Variants in LIG3 observed in about 807,000 individuals in gnomAD.
The protein encoded by LIG3 is ligase II, DNA, ATP-dependent.
In LIG3, 58 loss-of-function variants were observed where a neutral mutation model predicts 110.9. That is an observed-to-expected ratio of 0.52 (90% CI 0.42 to 0.65). The LOEUF (loss-of-function observed/expected upper bound fraction) is 0.65. LIG3 is among the 30% of genes least tolerant of loss of function. The probability of loss-of-function intolerance (pLI) is 0.00; values close to 1 mark genes in which losing one functional copy is unlikely to be tolerated. For missense variants in LIG3, 1,094 were observed against 1,273.8 expected (o/e 0.86, Z 2.15); for synonymous variants, 422 against 472.8 (o/e 0.89, Z 1.39).
At chr17:34,995,793 T>C (rs578014876) in intron 9 of LIG3, among the ~76,000 whole-genome samples, 5 of 152,300 alleles carry the variant, frequency 3.3e-5, no homozygotes, top group Admixed American at 6.5e-5. Context: ...TTTCTTCCAT[T>C]TTCCTCAAAA....
At chr17:35,000,631 T>C (rs1305974206) in intron 16 of LIG3, among the ~76,000 whole-genome samples, 3 of 145,238 alleles carry the variant, frequency 2.1e-5, no homozygotes, top group Non-Finnish European at 4.5e-5. Context: ...TTTTTTTTTT[T>C]TTGAGACAGG....
At chr17:34,987,326 T>C (rs3135969) in intron 3 of LIG3, among the ~76,000 whole-genome samples, 4 of 152,216 alleles carry the variant, frequency 2.6e-5, no homozygotes, top group African/African-American at 9.6e-5. Flanking sequence ...CCCTAGACAG[T>C]ACTTTTATTT....
chr17:34,993,633 C>T (rs1263856322), intron 8 of LIG3, among the ~76,000 whole-genome samples: 2 of 152,194 alleles, frequency 1.3e-5, no homozygotes, highest in Admixed American at 1.3e-4. Context: ...TTTAGTGTAA[C>T]TTAAGCAAGC....
At chr17:34,991,185 C>CT (rs977176440) in intron 5 of LIG3, 71 bp downstream of exon 5, 123,673 of 990,792 alleles carry the variant, frequency 0.12, no homozygotes, top group East Asian at 0.16. Flanking sequence ...CCTGCAGCCT[C>CT]TTTTTTTTTT....
Position 35,005,136 on chromosome 17 carries a change from A to G in LIG3, c.*630A>G. 1 of 357,482 alleles carries G rather than the reference A, an allele frequency of 2.8e-6. No homozygotes were observed. The highest frequency in any genetic ancestry group is 5.5e-6 in the Non-Finnish European group (1 of 180,968). 22.1% of individuals were successfully genotyped at this position (357,482 alleles called of 1,614,324 possible). A position where few individuals can be genotyped will look rare whatever the true frequency, so the allele number is the denominator to read the frequency against. On this transcript the variant is annotated 3_prime_UTR_variant, in exon 20 of 20. Transcript: ENST00000378526. ...GAGGGGACTAGGGTCAGGTAGGAAA[A>G]TGGGGCCTTTATGAAGAAAGGGGAG...
chr17:34,999,849 A>G lies in LIG3; in HGVS notation c.2324A>G (p.Asp775Gly). ...TACTATCCTGACTTCATCGTCCCAG[A>G]CCCAAAGGTATCAACCCAGTGGCTT... ...KIYYPDFIVP[D>G]PKKAAVWEIT... Residue 775 changes from aspartate (D) to glycine (G), a missense_variant, in exon 16 of 20, where the codon GAC becomes GGC. Coordinates refer to ENST00000378526, the MANE Select transcript of LIG3 (RefSeq NM_013975.4). 6.2e-7 allele frequency: 1 copy of G among 1,613,774 alleles called. No homozygotes were observed. Among genetic ancestry groups the G allele is most frequent in the South Asian group, 1.1e-5 (1 of 91,070 alleles).
intron 4 of LIG3, 33 bp from the exon 5 acceptor site, chr17:34,990,930 C>G: frequency 6.2e-7 from 1 of 1,607,750 alleles, no homozygotes; most frequent in Non-Finnish European, 8.5e-7. Context: ...TGTTTAAGCT[C>G]TATTTCTCAA....
rs544300965 is a variant in LIG3 at position 34,991,691 on chromosome 17, C to A, written c.1062C>A (p.Ile354=). The change falls in exon 6 of 20, where the codon ATC becomes ATA. Residue 354 remains isoleucine (I), a synonymous_variant. Coordinates refer to ENST00000378526, the MANE Select transcript of LIG3 (RefSeq NM_013975.4). ...DLEQGDVSET[I]RVFFEQSKSF... is the part of the protein sequence containing the mutation. ...GACAGGGTGACGTGTCAGAGACAAT[C>A]AGAGTCTTCTTTGAGCAGAGCAAGT... The A allele has an allele frequency of 1.2e-6, 2 of 1,614,002 alleles. No homozygotes were observed. The highest frequency in any genetic ancestry group is 4.5e-5 in the East Asian group (2 of 44,884).
chr17:35,000,688 TCACTGCAG>T (rs1175124499), intron 16 of LIG3, among the ~76,000 whole-genome samples: 5 of 144,202 alleles, frequency 3.5e-5, no homozygotes, highest in Middle Eastern at 3.6e-3. Flanking sequence ...TGATCTCATC[TCACTGCAG>T]CCTCCGCCTC....
In LIG3 at chr17:35,005,408, G is replaced by A. The variant is rs111391761; in HGVS notation, c.*902G>A. 3,410 of 559,692 alleles carry A rather than the reference G, an allele frequency of 6.1e-3. 26 individuals carry two copies. Among genetic ancestry groups the A allele is most frequent in the South Asian group, 0.013 (962 of 72,744 alleles). The allele number at this position is 559,692 out of a possible 1,614,324, so 34.7% of individuals were successfully genotyped here. A position where few individuals can be genotyped will look rare whatever the true frequency, so the allele number is the denominator to read the frequency against. ...ATCAGCCATGACTGTGTATGCTCTG[G>A]TGGTGGTGTCTTACTTCCTCATGAC... is the stretch of plus-strand genomic sequence containing the variant. On this transcript the variant is annotated 3_prime_UTR_variant, in exon 20 of 20. Coordinates refer to ENST00000378526, the MANE Select transcript of LIG3 (RefSeq NM_013975.4).
chr17:35,002,759 AGCT>A lies in LIG3; in HGVS notation c.2771_2773del (p.Ala924del). On this transcript the variant is annotated inframe_deletion, in exon 19 of 20. Coordinates refer to ENST00000378526, the MANE Select transcript of LIG3 (RefSeq NM_013975.4). ...CAGTGAAAGTAGGGGAGAAGCGGAA[AGCT>A]GCTGATGAGACGCTGTGCCAAACAA... 2 of 1,611,142 alleles carry A rather than the reference AGCT, an allele frequency of 1.2e-6. No homozygotes were observed. Among genetic ancestry groups the A allele is most frequent in the Non-Finnish European group, 1.7e-6 (2 of 1,178,488 alleles).
In LIG3 at chr17:35,009,213, A is replaced by ATCT. The variant is rs1182856407; in HGVS notation, c.*4709_*4711dup. 2.0e-5 allele frequency: 3 copies of ATCT among 152,776 alleles called. No individual in the cohort carries two copies. The highest frequency in any genetic ancestry group is 2.9e-5 in the Non-Finnish European group (2 of 68,022). The allele number at this position is 152,776 out of a possible 1,614,324, so 9.5% of individuals were successfully genotyped here. A position where few individuals can be genotyped will look rare whatever the true frequency, so the allele number is the denominator to read the frequency against. ...TTAACCTCCAAGTAAGTCTGAGAAA[A>ATCT]TCTTAATAAAAGCCACTTGAAGTAA... On this transcript the variant is annotated 3_prime_UTR_variant, in exon 20 of 20. Coordinates refer to ENST00000378526, the MANE Select transcript of LIG3 (RefSeq NM_013975.4).
intron 1 of LIG3, among the ~76,000 whole-genome samples, chr17:34,982,264 A>G (rs961060824): frequency 2.0e-5 from 3 of 152,174 alleles, no homozygotes; most frequent in Non-Finnish European, 4.4e-5. Flanking sequence ...AAATCTATAT[A>G]GTGGCTTGAT....
chr17:34,996,312 C>T (rs1022870524), intron 10 of LIG3, 117 bp downstream of exon 10: 33 of 1,221,382 alleles, frequency 2.7e-5, no homozygotes, highest in African/African-American at 7.6e-5. Flanking sequence ...CCTTATTCTT[C>T]GCTTCTGACC....
Position 35,004,269 on chromosome 17 carries a change from G to GC in LIG3, c.2797-3dup. The GC allele has an allele frequency of 6.2e-7, 1 of 1,613,176 alleles. No individual in the cohort carries two copies. The highest frequency in any genetic ancestry group is 8.5e-7 in the Non-Finnish European group (1 of 1,179,272). ...ACCCCACCCTGACCCCTCTGCATTT[G>GC]CAGGTATTGCTGGACATCTTCACTG... On this transcript the variant is annotated splice_region_variant and splice_polypyrimidine_tract_variant and intron_variant, in intron 19 of 19. Coordinates refer to ENST00000378526, the MANE Select transcript of LIG3 (RefSeq NM_013975.4).
intron 11 of LIG3, 88 bp downstream of exon 11, chr17:34,996,741 A>C (rs2090782563): frequency 1.7e-6 from 2 of 1,177,892 alleles, no homozygotes; most frequent in Non-Finnish European, 2.5e-6. Context: ...TCAGGTTGGA[A>C]AGGAGGGTAC....
At position 34,987,217 on chromosome 17, in the gene LIG3, A is replaced by G. The variant is rs575819054; in HGVS notation, c.691+1086A>G. ...CTTTGCTGGGGCATGTGGTATAGAT[A>G]GGAGTTGAGAAGATCAGGATCATTT... On this transcript the variant is annotated intron_variant, in intron 3 of 19. Coordinates refer to ENST00000378526, the MANE Select transcript of LIG3 (RefSeq NM_013975.4). 2.1e-4 allele frequency among the ~76,000 whole-genome samples: 32 copies of G among 152,378 alleles called. No homozygotes were observed. In the East Asian group the frequency reaches 3.7e-3, roughly 17 times the overall value.
Position 34,997,741 on chromosome 17 carries a change from T to G in LIG3, c.1827T>G (p.Pro609=). ...YFNDVSLMDR[P]LCERRKFLHD... ...TCAGCTCTCCTGTTCTCCTCAGACC[T>G]CTGTGTGAGCGGCGGAAGTTTCTTC... Residue 609 remains proline, a synonymous_variant, in exon 12 of 20, where the codon CCT becomes CCG. Transcript: ENST00000378526. 1 of 1,613,512 alleles carries G rather than the reference T, an allele frequency of 6.2e-7. No homozygotes were observed.
At chr17:35,003,708 A>G (rs184438586) in intron 19 of LIG3, 1 of 157,438 alleles carries the variant, frequency 6.4e-6, no homozygotes, top group East Asian at 1.9e-4. Context: ...AGAAGTAAAC[A>G]TATGATTGAC....
Sources: allele counts gnomAD v4.1 joint callset (sites outside exome capture counted in the v4.1 genomes callset), GRCh38; gene constraint gnomAD v4.1.1; transcripts MANE v1.5; gene names NCBI Gene and HGNC (gene_info 2026-07-23, HGNC 2026-07-21).